Variants in RAPGEF2 observed in about 807,000 individuals in gnomAD.
RAPGEF2 encodes Rap guanine nucleotide exchange factor 2, also known as PDZ domain containing guanine nucleotide exchange factor (GEF) 1.
RAPGEF2 carries 54 observed loss-of-function variants against 186.7 expected under a neutral mutation model. The ratio of observed to expected loss-of-function variants is 0.29; its 90% CI spans 0.23 to 0.36. The LOEUF (loss-of-function observed/expected upper bound fraction) is 0.36. RAPGEF2 is among the 10% of genes least tolerant of loss of function. The pLI, the probability that RAPGEF2 is intolerant of heterozygous loss-of-function variation, is 1.00. For missense variants in RAPGEF2, 1,532 were observed against 2,045.0 expected (o/e 0.75, Z 4.84); for synonymous variants, 712 against 705.9 (o/e 1.01, Z -0.14).
chr4:159,116,121 A>C (rs1739023689), intron 1 of RAPGEF2, among the ~76,000 whole-genome samples: 1 of 152,040 alleles, frequency 6.6e-6, no homozygotes, highest in Non-Finnish European at 1.5e-5. Context: ...TCTGCACAGC[A>C]AAAAAAACTA....
chr4:159,164,304 G>GTT (rs10717642), intron 1 of RAPGEF2, among the ~76,000 whole-genome samples: 6 of 141,996 alleles, frequency 4.2e-5, no homozygotes, highest in Admixed American at 2.8e-4. Context: ...GCACCCGGCT[G>GTT]TTTTTTTTTT....
chr4:159,322,502 C>G lies in RAPGEF2; in HGVS notation c.990+19C>G. The G allele has an allele frequency of 1.2e-6, 2 of 1,607,020 alleles. No individual in the cohort carries two copies. The highest frequency in any genetic ancestry group is 1.7e-6 in the Non-Finnish European group (2 of 1,175,398). The stretch of plus-strand genomic sequence containing the variant: ...TGAAGAGGTGAGTAACTATTCCTAC[C>G]ACTTAAAAAGTTTCTTCTTAAAGAT... On this transcript the variant is annotated intron_variant, in intron 10 of 29. Coordinates refer to ENST00000691494, the MANE Select transcript of RAPGEF2 (RefSeq NM_001394067.2).
intron 1 of RAPGEF2, among the ~76,000 whole-genome samples, chr4:159,115,341 A>G (rs1738931093): frequency 6.6e-6 from 1 of 152,226 alleles, no homozygotes; most frequent in African/African-American, 2.4e-5. Context: ...CTGTATTTTA[A>G]GAAACTTTTG....
intron 7 of RAPGEF2, among the ~76,000 whole-genome samples, chr4:159,259,154 A>G (rs1200331351): frequency 1.3e-5 from 2 of 152,246 alleles, no homozygotes; most frequent in Non-Finnish European, 2.9e-5. Context: ...AAAGCCAAAC[A>G]TAGGTCTTTC....
At chr4:159,310,901 T>TA (rs1288306333) in intron 8 of RAPGEF2, among the ~76,000 whole-genome samples, 11 of 152,300 alleles carry the variant, frequency 7.2e-5, no homozygotes, top group Non-Finnish European at 1.6e-4. Flanking sequence ...CAATAAGTGT[T>TA]ATGTTCATAG....
intron 1 of RAPGEF2, among the ~76,000 whole-genome samples, chr4:159,135,554 A>G (rs567758902): frequency 1.7e-4 from 26 of 152,274 alleles, no homozygotes; most frequent in South Asian, 6.2e-4. Flanking sequence ...CTATCCATAT[A>G]TCTTTGGTGA....
At chr4:159,342,522 A>C (rs1729616530) in intron 20 of RAPGEF2, among the ~76,000 whole-genome samples, 1 of 118,704 alleles carries the variant, frequency 8.4e-6, no homozygotes, top group Admixed American at 8.3e-5. Flanking sequence ...CATTACTATC[A>C]TAGCTTTTAT....
intron 5 of RAPGEF2, among the ~76,000 whole-genome samples, chr4:159,239,243 T>G (rs1383955087): frequency 1.3e-5 from 2 of 152,180 alleles, no homozygotes; most frequent in African/African-American, 2.4e-5. Context: ...AGTGACTTAC[T>G]TTAAATCAAT....
intron 7 of RAPGEF2, among the ~76,000 whole-genome samples, chr4:159,280,856 A>G (rs1242650990): frequency 6.6e-6 from 1 of 152,188 alleles, no homozygotes; most frequent in Non-Finnish European, 1.5e-5. Flanking sequence ...AGCAATAGGA[A>G]AGAACTATTC....
intron 7 of RAPGEF2, among the ~76,000 whole-genome samples, chr4:159,295,243 TG>T (rs1399305807): frequency 1.2e-4 from 18 of 152,326 alleles, no homozygotes; most frequent in African/African-American, 4.3e-4. Context: ...ACAGTTGGTG[TG>T]TTTTTCATTG....
At chr4:159,300,851 G>A (rs920115936) in intron 7 of RAPGEF2, among the ~76,000 whole-genome samples, 18 of 152,142 alleles carry the variant, frequency 1.2e-4, no homozygotes, top group African/African-American at 4.1e-4. Context: ...TGATGGCCTT[G>A]GGTTTAAATG....
At chr4:159,280,986 CT>C (rs376347355) in intron 7 of RAPGEF2, among the ~76,000 whole-genome samples, 149 of 142,362 alleles carry the variant, frequency 1.0e-3, no homozygotes, top group Non-Finnish European at 1.5e-3. Context: ...TTAACTACTT[CT>C]TTTTTTTTTT....
intron 7 of RAPGEF2, among the ~76,000 whole-genome samples, chr4:159,253,659 G>A (rs1376589976): frequency 2.0e-5 from 3 of 150,772 alleles, no homozygotes; most frequent in African/African-American, 7.3e-5. Flanking sequence ...TTTATTATTT[G>A]TTCTTTCAAA....
intron 1 of RAPGEF2, among the ~76,000 whole-genome samples, chr4:159,104,521 A>AGAGG (rs1737605291): frequency 8.0e-6 from 1 of 124,802 alleles, no homozygotes; most frequent in Non-Finnish European, 1.7e-5. Flanking sequence ...AGAGAGAGAG[A>AGAGG]GAGAGGGAGA....
At chr4:159,256,297 G>T (rs1418784871) in intron 7 of RAPGEF2, among the ~76,000 whole-genome samples, 1 of 152,144 alleles carries the variant, frequency 6.6e-6, no homozygotes, top group Non-Finnish European at 1.5e-5. Context: ...AGAACATGCA[G>T]TGTTTAGTTT....
chr4:159,226,304 C>G (rs779522375), intron 4 of RAPGEF2, among the ~76,000 whole-genome samples: 7 of 152,144 alleles, frequency 4.6e-5, no homozygotes, highest in Non-Finnish European at 1.0e-4. Flanking sequence ...AATAAATTAA[C>G]TATAAAATAT....
chr4:159,312,767 A>G (rs1214266847), intron 8 of RAPGEF2, among the ~76,000 whole-genome samples: 1 of 152,244 alleles, frequency 6.6e-6, no homozygotes, highest in African/African-American at 2.4e-5. Flanking sequence ...TTGTTAACAC[A>G]TGCTTGTATT....
chr4:159,184,002 T>C (rs894530702), intron 1 of RAPGEF2, among the ~76,000 whole-genome samples: 2 of 152,244 alleles, frequency 1.3e-5, no homozygotes, highest in Non-Finnish European at 2.9e-5. Context: ...TTTGGTTTTC[T>C]GTCCTTGTGA....
At chr4:159,114,116 C>G (rs1738790466) in intron 1 of RAPGEF2, among the ~76,000 whole-genome samples, 2 of 149,282 alleles carry the variant, frequency 1.3e-5, no homozygotes, top group African/African-American at 5.0e-5. Flanking sequence ...TCATACCTGG[C>G]TAATTTTTTT....
Sources: allele counts gnomAD v4.1 joint callset (sites outside exome capture counted in the v4.1 genomes callset), GRCh38; gene constraint gnomAD v4.1.1; transcripts MANE v1.5; gene names NCBI Gene and HGNC (gene_info 2026-07-23, HGNC 2026-07-21).